The following NFAM1 variants were observed in gnomAD, a reference collection of about 807,000 sequenced individuals.
NFAM1 encodes NFAT activating protein with ITAM motif 1.
A neutral mutation model predicts 29.0 loss-of-function variants in NFAM1; 17 were observed. That is an observed-to-expected ratio of 0.59 (90% CI 0.40 to 0.88). NFAM1 has a LOEUF of 0.88. NFAM1 is among the 40% of genes least tolerant of loss of function. The pLI is 0.00. For synonymous variants in NFAM1, 175 were observed against 147.2 expected, an observed-to-expected ratio of 1.19 and a Z score of -1.36; for missense variants, 324 against 344.6, an observed-to-expected ratio of 0.94 and a Z score of 0.47.
intron 1 of NFAM1, among the ~76,000 whole-genome samples, chr22:42,425,820 C>T (rs957280311): frequency 6.6e-6 from 1 of 152,238 alleles, no homozygotes; most frequent in African/African-American, 2.4e-5. Flanking sequence ...CTTGGCTCTG[C>T]CCACAGCCTC....
chr22:42,399,236 C>T (rs568541654), intron 3 of NFAM1, among the ~76,000 whole-genome samples: 1 of 151,882 alleles, frequency 6.6e-6, no homozygotes, highest in South Asian at 2.1e-4. Context: ...CACCTGAGAT[C>T]AGGAGTTTGA....
chr22:42,393,069 G>C (rs1601736458), intron 4 of NFAM1, among the ~76,000 whole-genome samples: 2 of 151,934 alleles, frequency 1.3e-5, no homozygotes, highest in South Asian at 4.1e-4. Flanking sequence ...CAAAGAATAG[G>C]TCAAGTTTTT....
At chr22:42,434,954 C>T (rs1930905790), upstream of NFAM1, among the ~76,000 whole-genome samples, 2 of 152,254 alleles carry the variant, frequency 1.3e-5, no homozygotes, top group African/African-American at 4.8e-5. Context: ...GGGCCCTGGC[C>T]TCACGGAGGC....
intron 1 of NFAM1, among the ~76,000 whole-genome samples, chr22:42,425,744 G>A (rs1038579879): frequency 3.9e-5 from 6 of 152,280 alleles, no homozygotes; most frequent in Middle Eastern, 3.4e-3. Flanking sequence ...CTGAGCCCGC[G>A]TACTCTCTCT....
At chr22:42,433,357 C>T (rs1930866147), upstream of NFAM1, among the ~76,000 whole-genome samples, 1 of 152,172 alleles carries the variant, frequency 6.6e-6, no homozygotes, top group African/African-American at 2.4e-5. Context: ...GCAGGTGTCC[C>T]TTCACTCACC....
intron 1 of NFAM1, among the ~76,000 whole-genome samples, chr22:42,422,555 G>A (rs573647215): frequency 9.2e-5 from 14 of 152,122 alleles, no homozygotes; most frequent in African/African-American, 2.7e-4. Flanking sequence ...AGCCGAGACC[G>A]CGCCACTACA....
chr22:42,412,187 A>G (rs1930117932), intron 1 of NFAM1, among the ~76,000 whole-genome samples: 1 of 152,036 alleles, frequency 6.6e-6, no homozygotes, highest in Non-Finnish European at 1.5e-5. Context: ...AGCAGAGATC[A>G]TGCCACTGCA....
chr22:42,402,995 C>T (rs898635967), intron 3 of NFAM1, among the ~76,000 whole-genome samples: 7 of 151,838 alleles, frequency 4.6e-5, no homozygotes, highest in African/African-American at 9.7e-5. Context: ...CCACCATGCC[C>T]GGCTAATTTT....
Position 42,426,268 on chromosome 22 carries a change from C to T in NFAM1, c.121+5969G>A, listed in dbSNP as rs764666131. The stretch of plus-strand genomic sequence containing the variant: ...CAGTGAGGCTGTTTGCGGTTATGCT[C>T]TGTGGACCTCTGGCCCCTGGCCCAC... On this transcript the variant is annotated intron_variant, in intron 1 of 5. Transcript: ENST00000329021. 5.9e-5 allele frequency among the ~76,000 whole-genome samples: 9 copies of T among 152,162 alleles called. No individual in the cohort carries two copies. In the South Asian group the frequency reaches 6.2e-4, roughly 10 times the overall value.
In NFAM1 at chr22:42,383,201, G is replaced by A. The variant is rs538569100; in HGVS notation, c.*1960C>T. 6.5e-6 allele frequency: 1 copy of A among 153,070 alleles called. No individual in the cohort carries two copies. Among genetic ancestry groups the A allele is most frequent in the African/African-American group, 2.4e-5 (1 of 41,590 alleles). 9.5% of individuals were successfully genotyped at this position (153,070 alleles called of 1,614,324 possible). A position where few individuals can be genotyped will look rare whatever the true frequency, so the allele number is the denominator to read the frequency against. On this transcript the variant is annotated 3_prime_UTR_variant, in exon 6 of 6. Coordinates refer to ENST00000329021, the MANE Select transcript of NFAM1 (RefSeq NM_145912.8). ...TCCCAGCCAAGGGTCCAGGGTCTAG[G>A]AGCTGAGGTCAGAGAGGCCCAGGAG...
intron 2 of NFAM1, chr22:42,410,304 A>G: frequency 3.7e-6 from 1 of 269,166 alleles, no homozygotes; most frequent in South Asian, 2.8e-5. Flanking sequence ...GGTAGGTCAG[A>G]GAATCAGGGC....
intron 4 of NFAM1, among the ~76,000 whole-genome samples, chr22:42,391,229 C>G (rs1929329930): frequency 6.6e-6 from 1 of 152,136 alleles, no homozygotes; most frequent in African/African-American, 2.4e-5. Flanking sequence ...TCTAATAAAC[C>G]CCTTGCTCAC....
chr22:42,437,194 G>C (rs1334795238), upstream of NFAM1, among the ~76,000 whole-genome samples: 1 of 148,948 alleles, frequency 6.7e-6, no homozygotes. Flanking sequence ...CCAGGCTGGA[G>C]TGCAGTGGTG....
At chr22:42,402,309 T>A (rs775782237) in intron 3 of NFAM1, among the ~76,000 whole-genome samples, 5 of 152,210 alleles carry the variant, frequency 3.3e-5, no homozygotes, top group Non-Finnish European at 7.3e-5. Context: ...GACTGAGCAC[T>A]GCTCTGGACG....
chr22:42,406,418 TCCTTTC>T (rs1929899445), intron 3 of NFAM1, among the ~76,000 whole-genome samples: 1 of 152,056 alleles, frequency 6.6e-6, no homozygotes, highest in Admixed American at 6.5e-5. Context: ...AGGGCTAAAG[TCCTTTC>T]AATGCCCCCT....
chr22:42,398,668 G>A lies in NFAM1; in HGVS notation c.565-712C>T, dbSNP rs115886755. On this transcript the variant is annotated intron_variant, in intron 3 of 5. Coordinates refer to ENST00000329021, the MANE Select transcript of NFAM1 (RefSeq NM_145912.8). ...ACCTCAGGTGATCCACCGCCTTGGC[G>A]TCCCAAAATGCTGGGATTACAGGTG... is the stretch of plus-strand genomic sequence containing the variant. Among the ~76,000 whole-genome samples the A allele has an allele frequency of 9.7e-3, 1,478 of 152,088 alleles. 26 individuals carry two copies. The highest frequency in any genetic ancestry group is 0.034 in the African/African-American group (1,397 of 41,496).
intron 2 of NFAM1, chr22:42,410,618 C>T (rs1415209312): frequency 5.1e-6 from 1 of 196,902 alleles, no homozygotes; most frequent in Non-Finnish European, 1.1e-5. Flanking sequence ...AAGATTGGGC[C>T]AGTGCACTTC....
rs1297087510 is a variant in NFAM1, at chr22:42,383,187, G to A, written c.*1974C>T. 2 of 152,686 alleles carry A rather than the reference G, an allele frequency of 1.3e-5. No homozygotes were observed. The highest frequency in any genetic ancestry group is 6.5e-5 in the Admixed American group (1 of 15,280). 9.5% of individuals were successfully genotyped at this position (152,686 alleles called of 1,614,324 possible). ...TGGAAAATGCTGAGTCCCAGCCAAG[G>A]GTCCAGGGTCTAGGAGCTGAGGTCA... On this transcript the variant is annotated 3_prime_UTR_variant, in exon 6 of 6. Coordinates refer to ENST00000329021, the MANE Select transcript of NFAM1 (RefSeq NM_145912.8).
intron 3 of NFAM1, among the ~76,000 whole-genome samples, chr22:42,400,868 C>G (rs551373784): frequency 6.6e-6 from 1 of 152,194 alleles, no homozygotes; most frequent in African/African-American, 2.4e-5. Flanking sequence ...CTGGACACCA[C>G]CAGGGCTGAG....
Sources: allele counts gnomAD v4.1 joint callset (sites outside exome capture counted in the v4.1 genomes callset), GRCh38; gene constraint gnomAD v4.1.1; transcripts MANE v1.5; gene names NCBI Gene and HGNC (gene_info 2026-07-23, HGNC 2026-07-21).